Variants in PTPRH observed in about 807,000 individuals in gnomAD.
The protein encoded by PTPRH is receptor-type tyrosine-protein phosphatase H.
In PTPRH, 113 loss-of-function variants were observed where a neutral mutation model predicts 130.2. The ratio of observed to expected loss-of-function variants is 0.87; its 90% CI spans 0.75 to 1.01. PTPRH has a LOEUF of 1.01. PTPRH is among the 50% of genes least tolerant of loss of function. The probability of loss-of-function intolerance (pLI) is 0.00; values close to 1 mark genes in which losing one functional copy is unlikely to be tolerated. For missense variants in PTPRH, 1,430 were observed against 1,425.0 expected, an observed-to-expected ratio of 1.00 and a Z score of -0.06; for synonymous variants, 556 against 577.9, an observed-to-expected ratio of 0.96 and a Z score of 0.54.
chr19:55,182,884 T>A lies in PTPRH; in HGVS notation c.3063-733A>T, dbSNP rs2086216176. 3.3e-5 allele frequency among the ~76,000 whole-genome samples: 5 copies of A among 151,930 alleles called. No homozygotes were observed. The South Asian group carries it at 1.0e-3, about 32-fold the overall frequency. ...ATCTCGGCTCACTGCACCCTTGACC[T>A]CCTGGGCTCAAGTGATCCTCCTGTC... On this transcript the variant is annotated intron_variant, in intron 18 of 19. Transcript: ENST00000376350.
Position 55,188,175 on chromosome 19 carries a change from GT to G in PTPRH, c.2385-8del. On this transcript the variant is annotated splice_region_variant and splice_polypyrimidine_tract_variant and intron_variant, in intron 12 of 19. Coordinates refer to ENST00000376350, the MANE Select transcript of PTPRH (RefSeq NM_002842.5). ...TGGGATGTCCCCTGGGGAGCTACGG[GT>G]TTTGGGGGAGCAGGGAGAAAAGACC... The G allele has an allele frequency of 2.5e-6, 4 of 1,610,986 alleles. No homozygotes were observed. The highest frequency in any genetic ancestry group is 3.4e-6 in the Non-Finnish European group (4 of 1,177,214).
Position 55,202,167 on chromosome 19 carries a change from G to A in PTPRH, c.1042C>T (p.His348Tyr), listed in dbSNP as rs2288515. The change falls in exon 6 of 20, where the codon CAC (histidine) becomes TAC (tyrosine). Residue 348 changes from histidine to tyrosine, a missense_variant. Physicochemically the swap from His to Tyr is moderately conservative, Grantham distance 83. Transcript: ENST00000376350. ...AGTCTATCCACGGTGATGTTGGTGT[G>A]TGCTGTGCTTCGAGTCCCTGCTCTG... ...GGRAGTRSTA[H>Y]TNITVDRLEP... 752,998 of 1,606,014 alleles carry A rather than the reference G, an allele frequency of 0.47. 175,190 individuals carry two copies. Among genetic ancestry groups the A allele is most frequent in the African/African-American group, 0.73 (54,258 of 74,402 alleles).
At chr19:55,207,261 G>A (rs1289266939) in intron 1 of PTPRH, 62 bp from the exon 2 acceptor site, 31 of 1,556,600 alleles carry the variant, frequency 2.0e-5, no homozygotes, top group South Asian at 2.0e-4. Context: ...CAGTGAGGCC[G>A]AGGGGCTGGG....
chr19:55,200,143 A>C, intron 7 of PTPRH, 93 bp downstream of exon 7: 1 of 1,400,176 alleles, frequency 7.1e-7, no homozygotes, highest in South Asian at 1.3e-5. Flanking sequence ...GAGCCTACGG[A>C]CTACAGAGCC....
At chr19:55,188,686 C>T (rs1300074550) in intron 12 of PTPRH, among the ~76,000 whole-genome samples, 1 of 152,170 alleles carries the variant, frequency 6.6e-6, no homozygotes, top group Non-Finnish European at 1.5e-5. Flanking sequence ...ATCGTCGTGG[C>T]CTCCCTGTCT....
At chr19:55,190,860 G>A (rs1234124218) in intron 12 of PTPRH, among the ~76,000 whole-genome samples, 5 of 150,636 alleles carry the variant, frequency 3.3e-5, no homozygotes, top group Non-Finnish European at 7.4e-5. Flanking sequence ...TTATTTTTTT[G>A]AGACGGAGTC....
rs370842251 is a variant in PTPRH, at chr19:55,185,957, C to T, written c.2806G>A (p.Asp936Asn). The change falls in exon 17 of 20, where the codon GAC becomes AAC. Residue 936 changes from aspartate (D) to asparagine (N), a missense_variant. By Grantham distance (23) the Asp-to-Asn change is conservative (BLOSUM62 1). Transcript: ENST00000376350. Reference protein sequence around the residue: ...RVKCEHYWPLDSQPCTHGHLR... With the variant: ...RVKCEHYWPLNSQPCTHGHLR... ...TGCCCATGGGTGCAGGGCTGCGAGTCCAGAGGCCAGTAATGCTCACACTTC... is the reference window on the plus strand; with the variant it reads ...TGCCCATGGGTGCAGGGCTGCGAGTTCAGAGGCCAGTAATGCTCACACTTC... 16 of 1,613,984 alleles carry T rather than the reference C, an allele frequency of 9.9e-6. No individual in the cohort carries two copies. The highest frequency in any genetic ancestry group is 1.4e-5 in the Non-Finnish European group (16 of 1,179,914).
intron 12 of PTPRH, among the ~76,000 whole-genome samples, chr19:55,189,493 C>G (rs7247152): frequency 3.3e-5 from 5 of 152,156 alleles, no homozygotes; most frequent in African/African-American, 1.2e-4. Flanking sequence ...CTTCCTCACT[C>G]TGCTCAGTCG....
chr19:55,202,400 T>A (rs1347601412), intron 5 of PTPRH, 78 bp from the exon 6 acceptor site: 8 of 1,574,492 alleles, frequency 5.1e-6, no homozygotes, highest in Admixed American at 1.8e-5. Flanking sequence ...AACCATTGCA[T>A]CCAGCAGGTG....
intron 7 of PTPRH, among the ~76,000 whole-genome samples, chr19:55,199,872 G>A (rs972163597): frequency 6.0e-5 from 9 of 149,708 alleles, no homozygotes; most frequent in Non-Finnish European, 1.0e-4. Context: ...GGCTTTAAAG[G>A]AAGGAAAGAG....
chr19:55,182,286 G>A (rs1187695142), intron 18 of PTPRH, 135 bp from the exon 19 acceptor site: 2 of 1,097,330 alleles, frequency 1.8e-6, no homozygotes, highest in Non-Finnish European at 2.6e-6. Flanking sequence ...AGCACTTTGG[G>A]AGGCTGAGGC....
chr19:55,182,159 G>A lies in PTPRH; in HGVS notation c.3063-8C>T. The stretch of plus-strand genomic sequence containing the variant: ...GTGCGACCCACGCCAGCACTAGGCA[G>A]AACAAGGGAAGGGTCAGACCAAGGG... On this transcript the variant is annotated splice_polypyrimidine_tract_variant and splice_region_variant and intron_variant, in intron 18 of 19. Coordinates refer to ENST00000376350, the MANE Select transcript of PTPRH (RefSeq NM_002842.5). The A allele has an allele frequency of 1.2e-6, 2 of 1,612,964 alleles. No homozygotes were observed. Among genetic ancestry groups the A allele is most frequent in the Non-Finnish European group, 1.7e-6 (2 of 1,179,880 alleles).
rs1341125359 is a variant in PTPRH at position 55,183,396 on chromosome 19, T to G, written c.3063-1245A>C. 4.7e-5 allele frequency among the ~76,000 whole-genome samples: 7 copies of G among 148,646 alleles called. No homozygotes were observed. In the East Asian group the frequency reaches 1.4e-3, roughly 30 times the overall value. Reference sequence around the variant, plus strand: ...TCCCAGCCTGGGCGACAGAGCAAGATTCCGTCCCCCACAAAAATAAATAAA... The same window carrying G: ...TCCCAGCCTGGGCGACAGAGCAAGAGTCCGTCCCCCACAAAAATAAATAAA... On this transcript the variant is annotated intron_variant, in intron 18 of 19. Coordinates refer to ENST00000376350, the MANE Select transcript of PTPRH (RefSeq NM_002842.5).
chr19:55,187,164 T>G (rs1599983912), intron 14 of PTPRH, among the ~76,000 whole-genome samples: 1 of 145,548 alleles, frequency 6.9e-6, no homozygotes. Context: ...GCTAACACGG[T>G]GAAACCCTGT....
At chr19:55,186,181 C>T (rs13343365) in intron 16 of PTPRH, 44 bp downstream of exon 16, 73 of 1,585,172 alleles carry the variant, frequency 4.6e-5, no homozygotes, top group African/African-American at 3.6e-4. Flanking sequence ...GTGTTCGGGG[C>T]GGGGTCCTGC....
At chr19:55,182,900 TC>T (rs1599958515) in intron 18 of PTPRH, among the ~76,000 whole-genome samples, 1 of 151,894 alleles carries the variant, frequency 6.6e-6, no homozygotes, top group South Asian at 2.1e-4. Context: ...GCTCAAGTGA[TC>T]CTCCTGTCTC....
chr19:55,184,270 G>A (rs962226302), intron 18 of PTPRH, among the ~76,000 whole-genome samples: 7 of 151,388 alleles, frequency 4.6e-5, no homozygotes, highest in African/African-American at 1.7e-4. Context: ...GGCAACAAGA[G>A]CGAAACTCTG....
At chr19:55,198,948 C>T in intron 7 of PTPRH, 36 bp from the exon 8 acceptor site, 3 of 1,489,116 alleles carry the variant, frequency 2.0e-6, no homozygotes, top group Non-Finnish European at 2.7e-6. Context: ...TTCCACATCC[C>T]CTAGTCCTCA....
rs148979033 is a variant in PTPRH, at chr19:55,205,489, G to T, written c.456C>A (p.Tyr152Ter). The stretch of plus-strand genomic sequence containing the variant: ...CACCATCTCCAGTGTACTCAACCCC[G>T]TAGGTGGAGTTCTGTGGGTCTGGGC... Reference protein sequence around the residue: ...PDGPDPQNSTYGVEYTGDGGR... With the variant: ...PDGPDPQNST The change falls in exon 4 of 20, where the codon TAC becomes TAA. Residue 152 changes from tyrosine (Y) to a stop codon, truncating the protein, a stop_gained. Coordinates refer to ENST00000376350, the MANE Select transcript of PTPRH (RefSeq NM_002842.5). LOFTEE classifies it high-confidence loss of function. 1.9e-6 allele frequency: 3 copies of T among 1,614,194 alleles called. No individual in the cohort carries two copies. The highest frequency in any genetic ancestry group is 1.3e-5 in the African/African-American group (1 of 75,034).
Sources: gnomAD v4.1 joint callset for allele counts (sites outside exome capture counted in the v4.1 genomes callset) on GRCh38, gnomAD v4.1.1 for gene constraint, MANE v1.5 for transcripts, NCBI Gene and HGNC (gene_info 2026-07-23, HGNC 2026-07-21) for gene names.